Variants in DNAJC5B observed in about 807,000 individuals in gnomAD.
The protein encoded by DNAJC5B is DnaJ heat shock protein family (Hsp40) member C5 beta.
Under a neutral mutation model 24.7 loss-of-function variants are expected in DNAJC5B, and 23 were observed. That is an observed-to-expected ratio of 0.93 (90% CI 0.67 to 1.32). DNAJC5B has a LOEUF of 1.32. DNAJC5B is among the 40% of genes most tolerant of loss of function. The probability of loss-of-function intolerance (pLI) is 0.00; values close to 1 mark genes in which losing one functional copy is unlikely to be tolerated. For synonymous variants in DNAJC5B, 101 were observed against 90.1 expected, an observed-to-expected ratio of 1.12 and a Z score of -0.68; for missense variants, 238 against 240.8, an observed-to-expected ratio of 0.99 and a Z score of 0.08.
At chr8:66,033,831 G>T (rs1806414533) in intron 1 of DNAJC5B, among the ~76,000 whole-genome samples, 2 of 142,710 alleles carry the variant, frequency 1.4e-5, no homozygotes. Flanking sequence ...GATGCCTTGA[G>T]AGCAATTGAA....
intron 3 of DNAJC5B, among the ~76,000 whole-genome samples, chr8:66,063,963 T>C (rs1807136667): frequency 6.6e-6 from 1 of 152,204 alleles, no homozygotes; most frequent in Non-Finnish European, 1.5e-5. Flanking sequence ...TCTCCAGCAA[T>C]GCTGGCCAGC....
intron 3 of DNAJC5B, among the ~76,000 whole-genome samples, chr8:66,053,927 C>A (rs975495230): frequency 7.8e-4 from 115 of 147,094 alleles, no homozygotes; most frequent in African/African-American, 2.8e-3. Context: ...CCGTGCCTGG[C>A]CTACTACCCT....
chr8:66,023,885 A>T (rs994694959), intron 1 of DNAJC5B, among the ~76,000 whole-genome samples: 8 of 152,214 alleles, frequency 5.3e-5, no homozygotes, highest in African/African-American at 1.9e-4. Flanking sequence ...TTAATCTGCA[A>T]GTTTGAGCCC....
At chr8:66,083,756 C>G (rs776293055) in intron 5 of DNAJC5B, among the ~76,000 whole-genome samples, 7 of 152,266 alleles carry the variant, frequency 4.6e-5, no homozygotes, top group Middle Eastern at 3.4e-3. Flanking sequence ...TTGCTGCAAA[C>G]CACAAAAACG....
At chr8:66,091,489 A>G (rs1393948886) in intron 5 of DNAJC5B, among the ~76,000 whole-genome samples, 2 of 152,174 alleles carry the variant, frequency 1.3e-5, no homozygotes, top group African/African-American at 4.8e-5. Flanking sequence ...CTCTCCCCAT[A>G]TTCTTGTGGA....
At chr8:66,046,995 A>G (rs1441027688) in intron 2 of DNAJC5B, among the ~76,000 whole-genome samples, 1 of 152,252 alleles carries the variant, frequency 6.6e-6, no homozygotes, top group Admixed American at 6.5e-5. Flanking sequence ...ATCTCAGGGC[A>G]AGACAAATCA....
At chr8:66,053,274 T>C (rs758403897) in intron 3 of DNAJC5B, among the ~76,000 whole-genome samples, 1 of 152,164 alleles carries the variant, frequency 6.6e-6, no homozygotes, top group Non-Finnish European at 1.5e-5. Flanking sequence ...TACATATAGT[T>C]TTAAGTAGAT....
chr8:66,078,789 T>C (rs1186351478), intron 4 of DNAJC5B, among the ~76,000 whole-genome samples: 2 of 152,124 alleles, frequency 1.3e-5, no homozygotes, highest in Non-Finnish European at 2.9e-5. Flanking sequence ...GAAGCTCCCC[T>C]ACTCCAAGCC....
Position 66,044,958 on chromosome 8 carries a change from G to A in DNAJC5B, c.-18+1347G>A, listed in dbSNP as rs1586076389. On this transcript the variant is annotated intron_variant, in intron 2 of 5. Transcript: ENST00000276570. ...AAAAGGTTATGGGCCCACTATTTAA[G>A]GTTATTTAAGGAAGAGATTTTATGT... Among the ~76,000 whole-genome samples the A allele has an allele frequency of 2.0e-5, 3 of 152,080 alleles. No homozygotes were observed. The South Asian group carries it at 6.2e-4, about 32-fold the overall frequency.
At chr8:66,073,190 A>C (rs919880149) in intron 3 of DNAJC5B, among the ~76,000 whole-genome samples, 2 of 152,170 alleles carry the variant, frequency 1.3e-5, no homozygotes, top group Non-Finnish European at 2.9e-5. Context: ...GGAAGAATAA[A>C]AAAATCAACA....
At chr8:66,029,113 A>T (rs1193791544) in intron 1 of DNAJC5B, among the ~76,000 whole-genome samples, 2 of 152,192 alleles carry the variant, frequency 1.3e-5, no homozygotes, top group Non-Finnish European at 2.9e-5. Context: ...CTCCTCCAGG[A>T]TTCCTGCTTC....
intron 3 of DNAJC5B, among the ~76,000 whole-genome samples, chr8:66,059,529 A>G (rs1327885756): frequency 2.6e-5 from 4 of 152,172 alleles, no homozygotes; most frequent in Admixed American, 1.3e-4. Flanking sequence ...TGATTGAACA[A>G]TTGGGGAGAT....
intron 1 of DNAJC5B, among the ~76,000 whole-genome samples, chr8:66,026,500 C>G (rs1253463992): frequency 6.6e-6 from 1 of 152,246 alleles, no homozygotes; most frequent in Non-Finnish European, 1.5e-5. Context: ...AGCTACCTCT[C>G]TGAAGATCCT....
chr8:66,047,328 T>C (rs1806743014), intron 2 of DNAJC5B, among the ~76,000 whole-genome samples: 1 of 152,214 alleles, frequency 6.6e-6, no homozygotes, highest in Non-Finnish European at 1.5e-5. Context: ...TGCCTGCCCA[T>C]GTCTGCTCAT....
chr8:66,022,662 A>C (rs577202183), intron 1 of DNAJC5B, among the ~76,000 whole-genome samples: 13 of 152,310 alleles, frequency 8.5e-5, no homozygotes, highest in South Asian at 8.3e-4. Context: ...CCAACACATC[A>C]CGAATAAATA....
chr8:66,036,245 T>C (rs1177249811), intron 1 of DNAJC5B, among the ~76,000 whole-genome samples: 1 of 152,148 alleles, frequency 6.6e-6, no homozygotes, highest in Non-Finnish European at 1.5e-5. Flanking sequence ...AACTGGCTGA[T>C]TGTGTCTGGC....
At position 66,076,696 on chromosome 8, in the gene DNAJC5B, A is replaced by C; in HGVS notation, c.156A>C (p.Pro52=). Residue 52 remains proline (P), a synonymous_variant, in exon 4 of 6, where the codon CCA becomes CCC. Coordinates refer to ENST00000276570, the MANE Select transcript of DNAJC5B (RefSeq NM_033105.6). ...TGAAACACCATCCAGACAAGAATCC[A>C]GATGATCCAGCTGCTACTGAGAAGT... ...LALKHHPDKN[P]DDPAATEKFK... is the part of the protein sequence containing the mutation. The C allele has an allele frequency of 6.2e-7, 1 of 1,614,214 alleles. No individual in the cohort carries two copies. Among genetic ancestry groups the C allele is most frequent in the African/African-American group, 1.3e-5 (1 of 75,058 alleles).
At chr8:66,020,456 T>C (rs1806081909), upstream of DNAJC5B, among the ~76,000 whole-genome samples, 1 of 152,198 alleles carries the variant, frequency 6.6e-6, no homozygotes, top group African/African-American at 2.4e-5. Flanking sequence ...TAGTATCATA[T>C]GGGGTTAGCG....
At chr8:66,088,518 T>G (rs1366929489) in intron 5 of DNAJC5B, among the ~76,000 whole-genome samples, 1 of 152,212 alleles carries the variant, frequency 6.6e-6, no homozygotes, top group Non-Finnish European at 1.5e-5. Flanking sequence ...TACCATATAG[T>G]CAGGTTGCAA....
Sources: allele counts gnomAD v4.1 joint callset (sites outside exome capture counted in the v4.1 genomes callset), GRCh38; gene constraint gnomAD v4.1.1; transcripts MANE v1.5; gene names NCBI Gene and HGNC (gene_info 2026-07-23, HGNC 2026-07-21).